The following IPPK variants were observed in gnomAD, a reference collection of about 807,000 sequenced individuals.
IPPK encodes the protein IPK1 homolog.
IPPK carries 22 observed loss-of-function variants against 64.6 expected under a neutral mutation model. The ratio of observed to expected loss-of-function variants is 0.34; its 90% CI spans 0.24 to 0.49. The LOEUF (loss-of-function observed/expected upper bound fraction) is 0.49. Ranked by LOEUF, IPPK falls within the 20% of genes least tolerant of loss-of-function variation. The pLI, the probability that IPPK is intolerant of heterozygous loss-of-function variation, is 0.99. For missense variants in IPPK, 532 were observed against 630.7 expected (o/e 0.84, Z 1.68); for synonymous variants, 262 against 247.2 (o/e 1.06, Z -0.56).
At chr9:92,618,724 A>G (rs1159786169) in intron 12 of IPPK, 1 of 365,824 alleles carries the variant, frequency 2.7e-6, no homozygotes, top group African/African-American at 2.1e-5. Context: ...TCATATTGGA[A>G]AGTAAACAAT....
rs138914921 is a variant in IPPK, at chr9:92,649,504, G to C, written c.363C>G (p.Leu121=). The change falls in exon 5 of 13, where the codon CTC becomes CTG. Residue 121 remains leucine (L), a synonymous_variant. Transcript: ENST00000287996. ...GGTGCTCTGCAAAGCGGTAGGTTTG[G>C]AGTCTGGTTAAATTAGGAAGGCACA... ...YAMCLPNLTR[L]QTYRFAEHRP... is the part of the protein sequence containing the mutation. The C allele has an allele frequency of 5.0e-5, 80 of 1,613,992 alleles. No individual in the cohort carries two copies. Among genetic ancestry groups the C allele is most frequent in the Non-Finnish European group, 6.6e-5 (78 of 1,180,024 alleles).
At position 92,670,120 on chromosome 9, in the gene IPPK, G is replaced by A; in HGVS notation, c.-132C>T. 3.4e-6 allele frequency: 2 copies of A among 580,148 alleles called. No homozygotes were observed. The highest frequency in any genetic ancestry group is 3.5e-5 in the East Asian group (1 of 28,960). The allele number at this position is 580,148 out of a possible 1,614,324, so 35.9% of individuals were successfully genotyped here. ...TCAGCTGCCGCCCCCGCTCGACCCC[G>A]CCGCGGCGACTAGCAAGCTGTGGCC... On this transcript the variant is annotated 5_prime_UTR_variant, in exon 1 of 13. Coordinates refer to ENST00000287996, the MANE Select transcript of IPPK (RefSeq NM_022755.6).
chr9:92,614,616 C>T lies in IPPK; in HGVS notation c.*1216G>A, dbSNP rs796298863. ...TCACAAAATTTCCCACAAAAATTTA[C>T]AATCAGCAAAATAGTTTCCTTATTT... On this transcript the variant is annotated 3_prime_UTR_variant, in exon 13 of 13. Coordinates refer to ENST00000287996, the MANE Select transcript of IPPK (RefSeq NM_022755.6). 6 of 152,718 alleles carry T rather than the reference C, an allele frequency of 3.9e-5. No homozygotes were observed. The highest frequency in any genetic ancestry group is 1.4e-4 in the African/African-American group (6 of 41,562). The allele number at this position is 152,718 out of a possible 1,614,324, so 9.5% of individuals were successfully genotyped here. A position where few individuals can be genotyped will look rare whatever the true frequency, so the allele number is the denominator to read the frequency against.
At chr9:92,661,465 T>C (rs1852482493) in intron 1 of IPPK, among the ~76,000 whole-genome samples, 1 of 152,200 alleles carries the variant, frequency 6.6e-6, no homozygotes, top group African/African-American at 2.4e-5. Context: ...GACACAGGCC[T>C]TCCAAGCCTG....
In IPPK at chr9:92,613,926, C is replaced by T. The variant is rs1282805620; in HGVS notation, c.*1906G>A. The stretch of plus-strand genomic sequence containing the variant: ...CGTGTTGTCTCAAACCAGTCAGGGC[C>T]GTCATGACTACGCAGCAGCAGCAGT... On this transcript the variant is annotated 3_prime_UTR_variant, in exon 13 of 13. Coordinates refer to ENST00000287996, the MANE Select transcript of IPPK (RefSeq NM_022755.6). 2 of 152,164 alleles carry T rather than the reference C, an allele frequency of 1.3e-5. No individual in the cohort carries two copies. The highest frequency in any genetic ancestry group is 6.5e-5 in the Admixed American group (1 of 15,280). 9.4% of individuals were successfully genotyped at this position (152,164 alleles called of 1,614,324 possible). A position where few individuals can be genotyped will look rare whatever the true frequency, so the allele number is the denominator to read the frequency against.
At chr9:92,657,235 G>C (rs1441852013) in intron 2 of IPPK, among the ~76,000 whole-genome samples, 4 of 152,112 alleles carry the variant, frequency 2.6e-5, no homozygotes, top group Admixed American at 6.5e-5. Context: ...TGTAATCCCA[G>C]CTACTCAGGA....
At chr9:92,643,763 C>T (rs570203703) in intron 6 of IPPK, among the ~76,000 whole-genome samples, 6 of 152,134 alleles carry the variant, frequency 3.9e-5, no homozygotes, top group East Asian at 1.9e-4. Context: ...TGTGTATGCA[C>T]GTACAGGCAT....
chr9:92,656,886 T>C (rs779222977), intron 2 of IPPK, among the ~76,000 whole-genome samples: 17 of 152,162 alleles, frequency 1.1e-4, no homozygotes, highest in Non-Finnish European at 1.8e-4. Context: ...ACCTCCGACA[T>C]CTCACATCTC....
intron 11 of IPPK, among the ~76,000 whole-genome samples, chr9:92,630,493 G>A (rs939737626): frequency 2.6e-5 from 4 of 152,074 alleles, no homozygotes; most frequent in South Asian, 2.1e-4. Context: ...AGTCAAAACC[G>A]CTGCACTGAA....
intron 12 of IPPK, chr9:92,618,126 C>A (rs1346759822): frequency 2.4e-6 from 1 of 419,212 alleles, no homozygotes. Context: ...CTGCGCACAC[C>A]TTCCTGGAAG....
rs1851927850 is a variant in IPPK, at chr9:92,635,634, GCC to G, written c.917-328_917-327del. ...ATGTCCTTTAGATTCCACCACAACA[GCC>G]CTGGAAGTCACTTTATGATCTAAGT... On this transcript the variant is annotated intron_variant, in intron 9 of 12. Coordinates refer to ENST00000287996, the MANE Select transcript of IPPK (RefSeq NM_022755.6). The surrounding 1 kb of genome is among the most constrained non-coding windows in gnomAD (Gnocchi z 4.4). 6.6e-6 allele frequency among the ~76,000 whole-genome samples: 1 copy of G among 152,084 alleles called. No individual in the cohort carries two copies. Among genetic ancestry groups the G allele is most frequent in the African/African-American group, 2.4e-5 (1 of 41,406 alleles).
chr9:92,618,717 T>C (rs935942959), intron 12 of IPPK: 1 of 368,386 alleles, frequency 2.7e-6, no homozygotes, highest in Non-Finnish European at 5.4e-6. Flanking sequence ...CAGTATTTCA[T>C]ATTGGAAAGT....
At chr9:92,669,572 C>A (rs1445610819) in intron 1 of IPPK, among the ~76,000 whole-genome samples, 1 of 152,132 alleles carries the variant, frequency 6.6e-6, no homozygotes, top group Non-Finnish European at 1.5e-5. Flanking sequence ...GAGGCGGCAC[C>A]GCGTGAGGCT....
intron 10 of IPPK, among the ~76,000 whole-genome samples, chr9:92,634,833 C>T (rs1851909013): frequency 6.6e-6 from 1 of 152,234 alleles, no homozygotes; most frequent in Non-Finnish European, 1.5e-5. Context: ...AGGACAGAGG[C>T]TGGGCTGACA....
chr9:92,624,134 G>A (rs991181592), intron 11 of IPPK, among the ~76,000 whole-genome samples: 1 of 152,044 alleles, frequency 6.6e-6, no homozygotes, highest in African/African-American at 2.4e-5. Context: ...CCAGGAGATC[G>A]AGACCAGCCT....
intron 11 of IPPK, among the ~76,000 whole-genome samples, chr9:92,629,954 G>A (rs895209402): frequency 3.3e-5 from 5 of 152,124 alleles, no homozygotes; most frequent in Admixed American, 6.5e-5. Flanking sequence ...AGATCGAACC[G>A]TACAGCAATT....
intron 1 of IPPK, among the ~76,000 whole-genome samples, chr9:92,661,155 A>G (rs59053990): frequency 6.6e-6 from 1 of 152,348 alleles, no homozygotes; most frequent in East Asian, 1.9e-4. Context: ...AAGATGGGCA[A>G]CTGAGTCCCA....
chr9:92,652,197 C>T (rs1234214328), intron 4 of IPPK, among the ~76,000 whole-genome samples: 2 of 152,000 alleles, frequency 1.3e-5, no homozygotes, highest in African/African-American at 4.8e-5. Context: ...CGCCTATAAT[C>T]CCAGCACTTT....
chr9:92,618,164 C>T (rs1319134733), intron 12 of IPPK: 5 of 451,382 alleles, frequency 1.1e-5, no homozygotes, highest in East Asian at 7.0e-5. Context: ...GCCATGTTCT[C>T]GGAGGAGAAG....
Sources: gnomAD v4.1 joint callset for allele counts (sites outside exome capture counted in the v4.1 genomes callset) on GRCh38, gnomAD v4.1.1 for gene constraint, Gnocchi (gnomAD v3.1) non-coding constraint, MANE v1.5 for transcripts, NCBI Gene and HGNC (gene_info 2026-07-23, HGNC 2026-07-21) for gene names.